Variants in SLC11A1 observed in about 807,000 individuals in gnomAD.
SLC11A1 encodes solute carrier family 11 member 1, also known as natural resistance-associated macrophage protein 1.
In SLC11A1, 59 loss-of-function variants were observed where a neutral mutation model predicts 63.2. The ratio of observed to expected loss-of-function variants is 0.93; its 90% CI spans 0.76 to 1.16. SLC11A1 has a LOEUF of 1.16. Among genes scored for constraint, SLC11A1 ranks in the 50% most tolerant of loss-of-function variants. The pLI is 0.00. For missense variants in SLC11A1, 688 were observed against 730.7 expected (o/e 0.94, Z 0.67); for synonymous variants, 305 against 307.8 (o/e 0.99, Z 0.09).
At chr2:218,391,544 G>A in intron 11 of SLC11A1, 49 bp downstream of exon 11, 1 of 1,539,262 alleles carries the variant, frequency 6.5e-7, no homozygotes, top group Non-Finnish European at 8.8e-7. Flanking sequence ...AGGACAGCAG[G>A]CACACTACTG....
rs1022444665 is a variant in SLC11A1, at chr2:218,396,531, A to T, written c.*1496A>T. On this transcript the variant is annotated 3_prime_UTR_variant, in exon 15 of 15. Transcript: ENST00000233202. ...CGCGCTCAGGTCCGGACGCTTGTTT[A>T]TGAGAAGAATTTCCTCTTTCTTAAA... 5.2e-5 allele frequency: 8 copies of T among 152,392 alleles called. No individual in the cohort carries two copies. The highest frequency in any genetic ancestry group is 1.7e-4 in the African/African-American group (7 of 41,462). The allele number at this position is 152,392 out of a possible 1,614,324, so 9.4% of individuals were successfully genotyped here.
Position 218,394,166 on chromosome 2 carries a change from C to T in SLC11A1, c.1361C>T (p.Thr454Ile), listed in dbSNP as rs752332718. Residue 454 changes from threonine (T) to isoleucine (I), a missense_variant, in exon 13 of 15, where the codon ACC becomes ATC. Thr to Ile is a moderately conservative substitution (Grantham distance 89). Transcript: ENST00000233202. ...ATCCTCACGTTCACCAGCATGCCCA[C>T]CCTCATGCAGGAGTTTGCCAATGGC... ...LPILTFTSMPTLMQEFANGLL... is the reference protein window; with the variant it reads ...LPILTFTSMPILMQEFANGLL... The T allele has an allele frequency of 6.2e-7, 1 of 1,614,174 alleles. No individual in the cohort carries two copies. The highest frequency in any genetic ancestry group is 8.5e-7 in the Non-Finnish European group (1 of 1,180,024).
In SLC11A1 at chr2:218,384,404, GGGA is replaced by G. The variant is rs747800330; in HGVS notation, c.273+42_273+44del. On this transcript the variant is annotated intron_variant, in intron 3 of 14. Transcript: ENST00000233202. This position sits in a 1 kb window ranked among gnomAD's most constrained non-coding sequence, Gnocchi z 4.0. ...GACCTGAGTGGGGACACTTTCGAGAGGGAGGTGACCAGGCTAAGTGTTGAAGGC... is the reference window on the plus strand; with the variant it reads ...GACCTGAGTGGGGACACTTTCGAGAGGGTGACCAGGCTAAGTGTTGAAGGC... 3 of 1,574,656 alleles carry G rather than the reference GGGA, an allele frequency of 1.9e-6. No individual in the cohort carries two copies. The highest frequency in any genetic ancestry group is 2.6e-6 in the Non-Finnish European group (3 of 1,151,548).
At chr2:218,387,351 C>A in intron 6 of SLC11A1, 121 bp downstream of exon 6, 2 of 1,062,094 alleles carry the variant, frequency 1.9e-6, no homozygotes, top group Non-Finnish European at 2.8e-6. Flanking sequence ...CCTGGGTGGC[C>A]TCTAGCGAGT....
At chr2:218,385,537 C>T (rs113446417) in intron 4 of SLC11A1, 28 of 485,802 alleles carry the variant, frequency 5.8e-5, no homozygotes, top group African/African-American at 3.7e-4. Context: ...ATTACAGGCG[C>T]CCACCACCAT....
At chr2:218,394,900 C>T (rs776232725) in intron 14 of SLC11A1, 25 bp from the exon 15 acceptor site, 13 of 1,607,958 alleles carry the variant, frequency 8.1e-6, no homozygotes, top group Non-Finnish European at 1.0e-5. Flanking sequence ...GGCATCTCCC[C>T]AATTCATGGT....
intron 5 of SLC11A1, 102 bp downstream of exon 5, chr2:218,386,843 T>A: frequency 1.2e-6 from 1 of 860,744 alleles, no homozygotes; most frequent in Non-Finnish European, 1.9e-6. Flanking sequence ...TATCCTGCTG[T>A]CCCCTCTGAA....
intron 5 of SLC11A1, 58 bp downstream of exon 5, chr2:218,386,799 T>C (rs962222571): frequency 7.8e-7 from 1 of 1,287,940 alleles, no homozygotes; most frequent in Non-Finnish European, 1.1e-6. Context: ...TGCTGCTACT[T>C]CCCCCCCTAA....
intron 13 of SLC11A1, 126 bp from the exon 14 acceptor site, chr2:218,394,506 C>T: frequency 1.9e-6 from 2 of 1,074,388 alleles, no homozygotes; most frequent in Non-Finnish European, 1.4e-6. Flanking sequence ...GCTCCAGGTC[C>T]CACAGACCAG....
At position 218,387,907 on chromosome 2, in the gene SLC11A1, C is replaced by A; in HGVS notation, c.747C>A (p.Gly249=). 1 of 1,607,802 alleles carries A rather than the reference C, an allele frequency of 6.2e-7. No homozygotes were observed. The highest frequency in any genetic ancestry group is 8.5e-7 in the Non-Finnish European group (1 of 1,177,598). The change falls in exon 8 of 15, where the codon GGC becomes GGA. Residue 249 remains glycine (G), a synonymous_variant. Transcript: ENST00000233202. Reference sequence around the variant, plus strand: ...TGCTGCAGGCGGTGGGCATTGTTGGCGCCATCATCATGCCCCACAACATCT... The same window carrying A: ...TGCTGCAGGCGGTGGGCATTGTTGGAGCCATCATCATGCCCCACAACATCT... ...PELLQAVGIV[G]AIIMPHNIYL...
chr2:218,386,788 C>CT lies in SLC11A1; in HGVS notation c.500+48dup, dbSNP rs763479758. The stretch of plus-strand genomic sequence containing the variant: ...ACTCTTCAGGCCAGGCAGAGAACAG[C>CT]TGCTGCTACTTCCCCCCCTAACCAG... On this transcript the variant is annotated intron_variant, in intron 5 of 14. Transcript: ENST00000233202. The CT allele has an allele frequency of 2.9e-6, 4 of 1,380,246 alleles. No homozygotes were observed. In the South Asian group the frequency reaches 4.7e-5, roughly 16 times the overall value. 85.5% of individuals were successfully genotyped at this position (1,380,246 alleles called of 1,614,324 possible).
chr2:218,387,670 C>T (rs2106332208), intron 7 of SLC11A1, 38 bp downstream of exon 7: 4 of 1,612,964 alleles, frequency 2.5e-6, no homozygotes, highest in Non-Finnish European at 3.4e-6. Flanking sequence ...GTGGACCTCC[C>T]AAGATCATTC....
At chr2:218,394,099 G>A (rs777160641) in intron 12 of SLC11A1, 21 bp from the exon 13 acceptor site, 3 of 1,613,706 alleles carry the variant, frequency 1.9e-6, no homozygotes, top group Non-Finnish European at 2.5e-6. Context: ...CCTCAGCCTA[G>A]GCTCCTGCTG....
At chr2:218,392,376 T>C (rs1303259734) in intron 11 of SLC11A1, 1 of 171,560 alleles carries the variant, frequency 5.8e-6, no homozygotes, top group Admixed American at 6.2e-5. Context: ...TTCTTTCTTT[T>C]TTGAGACAGG....
chr2:218,396,509 G>A lies in SLC11A1; in HGVS notation c.*1474G>A, dbSNP rs985481191. The A allele has an allele frequency of 6.6e-6, 1 of 152,466 alleles. No individual in the cohort carries two copies. The highest frequency in any genetic ancestry group is 2.4e-5 in the African/African-American group (1 of 41,460). 9.4% of individuals were successfully genotyped at this position (152,466 alleles called of 1,614,324 possible). A position where few individuals can be genotyped will look rare whatever the true frequency, so the allele number is the denominator to read the frequency against. On this transcript the variant is annotated 3_prime_UTR_variant, in exon 15 of 15. Transcript: ENST00000233202. ...AGCAGGGCAGGCGGCCTGGCTCCGCGCTCAGGTCCGGACGCTTGTTTATGA... is the reference window on the plus strand; with the variant it reads ...AGCAGGGCAGGCGGCCTGGCTCCGCACTCAGGTCCGGACGCTTGTTTATGA...
intron 5 of SLC11A1, 31 bp from the exon 6 acceptor site, chr2:218,387,129 G>C: frequency 1.2e-6 from 2 of 1,608,210 alleles, no homozygotes; most frequent in Non-Finnish European, 1.7e-6. Context: ...CCTGGACCAG[G>C]CTGGGCTGAC....
chr2:218,394,560 G>A, intron 13 of SLC11A1, 72 bp from the exon 14 acceptor site: 2 of 1,536,602 alleles, frequency 1.3e-6, no homozygotes, highest in Non-Finnish European at 1.8e-6. Context: ...TGGGCGCTGG[G>A]AGATGAAGAG....
rs1027344711 is a variant in SLC11A1, at chr2:218,395,732, G to A, written c.*697G>A. 1 of 152,316 alleles carries A rather than the reference G, an allele frequency of 6.6e-6. No homozygotes were observed. The highest frequency in any genetic ancestry group is 2.4e-5 in the African/African-American group (1 of 41,450). 9.4% of individuals were successfully genotyped at this position (152,316 alleles called of 1,614,324 possible). ...TCTCCCAAAGTGCTGGGAATTACAGGCGTGAGCCACCAAACCCGGCCTGAT... is the reference window on the plus strand; with the variant it reads ...TCTCCCAAAGTGCTGGGAATTACAGACGTGAGCCACCAAACCCGGCCTGAT... On this transcript the variant is annotated 3_prime_UTR_variant, in exon 15 of 15. Transcript: ENST00000233202.
rs1221694811 is a variant in SLC11A1 at position 218,394,696 on chromosome 2, G to A, written c.1453G>A (p.Val485Ile). Reference sequence around the variant, plus strand: ...CTGCGCCATCAACCTCTACTTCGTGGTCAGCTATCTGCCCAGCCTGCCCCA... The same window carrying A: ...CTGCGCCATCAACCTCTACTTCGTGATCAGCTATCTGCCCAGCCTGCCCCA... ...LVCAINLYFV[V>I]SYLPSLPHPA... Residue 485 changes from valine to isoleucine, a missense_variant, in exon 14 of 15, where the codon GTC becomes ATC. Physicochemically the swap from Val to Ile is conservative, Grantham distance 29. Coordinates refer to ENST00000233202, the MANE Select transcript of SLC11A1 (RefSeq NM_000578.4). 5 of 1,613,982 alleles carry A rather than the reference G, an allele frequency of 3.1e-6. No homozygotes were observed. Among genetic ancestry groups the A allele is most frequent in the East Asian group, 4.5e-5 (2 of 44,902 alleles).
Sources: gnomAD v4.1 joint callset for allele counts on GRCh38, gnomAD v4.1.1 for gene constraint, Gnocchi (gnomAD v3.1) non-coding constraint, MANE v1.5 for transcripts, NCBI Gene and HGNC (gene_info 2026-07-23, HGNC 2026-07-21) for gene names.